Variants in PHEX observed in about 807,000 individuals in gnomAD.
The protein encoded by PHEX is phosphate regulating endopeptidase X-linked, also known as phosphate-regulating neutral endopeptidase PHEX.
PHEX carries 16 observed loss-of-function variants against 68.0 expected under a neutral mutation model. The ratio of observed to expected loss-of-function variants is 0.24; its 90% confidence interval spans 0.16 to 0.36. PHEX has a LOEUF of 0.36. Among genes scored for constraint, PHEX ranks in the 10% least tolerant of loss-of-function variants. The pLI is 1.00. For synonymous variants in PHEX, 208 were observed against 205.1 expected (o/e 1.01, Z -0.12); for missense variants, 480 against 575.5 (o/e 0.83, Z 1.70).
chrX:22,173,694 G>A (rs926269752), intron 13 of PHEX, among the ~76,000 whole-genome samples: 3 of 110,656 alleles, frequency 2.7e-5, no homozygotes, highest in Non-Finnish European at 5.7e-5. Context: ...TATAAAATAC[G>A]GATTCCATTA....
chrX:22,114,111 G>A (rs1283477043), intron 10 of PHEX, among the ~76,000 whole-genome samples: 1 of 108,205 alleles, frequency 9.2e-6, no homozygotes, highest in Non-Finnish European at 1.9e-5. Flanking sequence ...CACCGTGCCC[G>A]GCTAATTTTT....
At chrX:22,237,686 G>T (rs1936029406) in intron 20 of PHEX, among the ~76,000 whole-genome samples, 1 of 112,111 alleles carries the variant, frequency 8.9e-6, no homozygotes, top group Non-Finnish European at 1.9e-5. Context: ...ATCTGACACT[G>T]TCCTTCCTCT....
chrX:22,249,455 A>AAAAAATATATATATAT lies in PHEX; in HGVS notation c.*1503_*1504insAAAATATATATATATA. 27 of 39,752 alleles carry AAAAAATATATATATAT rather than the reference A, an allele frequency of 6.8e-4. No homozygotes were observed. Among genetic ancestry groups the AAAAAATATATATATAT allele is most frequent in the South Asian group, 1.3e-3 (1 of 795 alleles). The allele number at this position is 39,752 out of a possible 1,213,427, so 3.3% of individuals were successfully genotyped here. A position where few individuals can be genotyped will look rare whatever the true frequency, so the allele number is the denominator to read the frequency against. ...TTGTGATTCTTTTAAAAAAAAAAAAAATATATATATATATATATATATATA... is the reference window on the plus strand; with the variant it reads ...TTGTGATTCTTTTAAAAAAAAAAAAAAAAAATATATATATATATATATATATATATATATATATATA... On this transcript the variant is annotated 3_prime_UTR_variant, in exon 22 of 22. Coordinates refer to ENST00000379374, the MANE Select transcript of PHEX (RefSeq NM_000444.6).
intron 12 of PHEX, among the ~76,000 whole-genome samples, chrX:22,143,420 T>C (rs929406533): frequency 8.9e-6 from 1 of 112,366 alleles, no homozygotes; most frequent in African/African-American, 3.2e-5. Flanking sequence ...ACAAATATTA[T>C]GCATCAATAA....
chrX:22,243,783 C>T (rs1254363258), intron 20 of PHEX, among the ~76,000 whole-genome samples: 5 of 112,067 alleles, frequency 4.5e-5, no homozygotes, highest in African/African-American at 1.3e-4. Flanking sequence ...CAGGAAACAA[C>T]AGATGCTGGA....
intron 13 of PHEX, among the ~76,000 whole-genome samples, chrX:22,176,384 CA>C (rs61277745): frequency 0.027 from 1,963 of 73,660 alleles, 21 homozygotes; most frequent in Middle Eastern, 0.044. Context: ...GAGACTGTCT[CA>C]AAAAAAAAAA....
At chrX:22,230,607 T>G (rs772564123) in intron 20 of PHEX, among the ~76,000 whole-genome samples, 46 of 110,746 alleles carry the variant, frequency 4.2e-4, no homozygotes, top group Non-Finnish European at 6.4e-4. Context: ...GGAATGCTTG[T>G]GATTTTTGCC....
chrX:22,244,376 A>G (rs1464468624), intron 20 of PHEX, among the ~76,000 whole-genome samples: 5 of 110,535 alleles, frequency 4.5e-5, no homozygotes, highest in African/African-American at 6.6e-5. Flanking sequence ...TGGCACATGT[A>G]TACCTATGTA....
chrX:22,228,263 G>A (rs771234479), intron 20 of PHEX, among the ~76,000 whole-genome samples: 1 of 111,306 alleles, frequency 9.0e-6, no homozygotes, highest in Non-Finnish European at 1.9e-5. Context: ...ATAAACATAC[G>A]GGCAGCCTTT....
At chrX:22,079,206 G>A (rs1929282045) in intron 5 of PHEX, among the ~76,000 whole-genome samples, 1 of 111,744 alleles carries the variant, frequency 8.9e-6, no homozygotes, top group Admixed American at 9.5e-5. Flanking sequence ...ATGAATAATT[G>A]CAAACGGTAG....
intron 3 of PHEX, among the ~76,000 whole-genome samples, chrX:22,070,793 G>A (rs1000624352): frequency 5.4e-5 from 6 of 112,090 alleles, no homozygotes; most frequent in Non-Finnish European, 9.4e-5. Context: ...ATATTGCAGG[G>A]TCAGGAGAAA....
intron 11 of PHEX, among the ~76,000 whole-genome samples, chrX:22,124,309 A>G (rs948111790): frequency 1.8e-5 from 2 of 112,307 alleles, no homozygotes; most frequent in Non-Finnish European, 3.8e-5. Context: ...AAGTATGAAC[A>G]CTTACTCTTG....
chrX:22,105,150 G>A (rs1164550610), intron 9 of PHEX, among the ~76,000 whole-genome samples: 1 of 111,917 alleles, frequency 8.9e-6, no homozygotes, highest in East Asian at 2.8e-4. Context: ...CATTACTGGG[G>A]AGTTTGTCAG....
intron 2 of PHEX, among the ~76,000 whole-genome samples, chrX:22,039,818 C>T (rs1216693424): frequency 8.9e-6 from 1 of 111,955 alleles, no homozygotes; most frequent in African/African-American, 3.2e-5. Context: ...TGCCTGTAAT[C>T]TCAGTTACTC....
intron 9 of PHEX, among the ~76,000 whole-genome samples, chrX:22,104,056 G>C (rs914553022): frequency 8.9e-6 from 1 of 112,018 alleles, no homozygotes; most frequent in African/African-American, 3.3e-5. Flanking sequence ...AATTAGTGAT[G>C]TTGAGCATTT....
intron 18 of PHEX, among the ~76,000 whole-genome samples, chrX:22,224,321 A>G (rs1465257547): frequency 9.0e-6 from 1 of 111,311 alleles, no homozygotes; most frequent in East Asian, 2.8e-4. Context: ...TTCAGGAAAA[A>G]CCTATAATGG....
chrX:22,036,838 C>T (rs1343069112), intron 1 of PHEX, among the ~76,000 whole-genome samples: 1 of 109,063 alleles, frequency 9.2e-6, no homozygotes, highest in African/African-American at 3.3e-5. Flanking sequence ...TGGCTCACAC[C>T]TGTAATCCCA....
intron 15 of PHEX, among the ~76,000 whole-genome samples, chrX:22,209,780 CCTCCCTCTCTCT>C (rs1486758633): frequency 2.1e-5 from 2 of 94,541 alleles, no homozygotes; most frequent in South Asian, 5.4e-4. Flanking sequence ...TCCTCCCTCT[CCTCCCTCTCTCT>C]CTCCCTCTCC....
intron 18 of PHEX, 91 bp downstream of exon 18, chrX:22,221,834 G>T: frequency 2.5e-6 from 2 of 805,061 alleles, no homozygotes; most frequent in South Asian, 2.1e-5. Context: ...TTCTCAAAGC[G>T]TGTTTACAAG....
Sources: gnomAD v4.1 joint callset for allele counts (sites outside exome capture counted in the v4.1 genomes callset) on GRCh38, gnomAD v4.1.1 for gene constraint, MANE v1.5 for transcripts, NCBI Gene and HGNC (gene_info 2026-07-23, HGNC 2026-07-21) for gene names.